DGKB: variants seen among roughly 807,000 people sequenced by gnomAD.
DGKB encodes the protein 90 kDa diacylglycerol kinase.
Under a neutral mutation model 114.3 loss-of-function variants are expected in DGKB, and 67 were observed. The observed-to-expected ratio is 0.59, with a 90% CI of 0.48 to 0.72. The LOEUF (loss-of-function observed/expected upper bound fraction) is 0.72. Ranked by LOEUF, DGKB falls within the 30% of genes least tolerant of loss-of-function variation. The pLI, the probability that DGKB is intolerant of heterozygous loss-of-function variation, is 0.00. For synonymous variants in DGKB, 398 were observed against 323.1 expected, an observed-to-expected ratio of 1.23 and a Z score of -2.49; for missense variants, 907 against 975.2, an observed-to-expected ratio of 0.93 and a Z score of 0.93.
At chr7:14,439,147 A>C (rs1829705552) in intron 21 of DGKB, among the ~76,000 whole-genome samples, 1 of 152,156 alleles carries the variant, frequency 6.6e-6, no homozygotes, top group African/African-American at 2.4e-5. Context: ...AGTTACTTTC[A>C]TTACACGTAC....
At chr7:14,421,362 T>G (rs921015740) in intron 21 of DGKB, among the ~76,000 whole-genome samples, 1 of 152,120 alleles carries the variant, frequency 6.6e-6, no homozygotes, top group African/African-American at 2.4e-5. Context: ...TAGTAACACT[T>G]TACAAACATA....
At chr7:14,585,779 T>A (rs1020480726) in intron 17 of DGKB, among the ~76,000 whole-genome samples, 3 of 152,186 alleles carry the variant, frequency 2.0e-5, no homozygotes, top group South Asian at 4.1e-4. Flanking sequence ...TTTGTAATTA[T>A]CGCAATATTT....
chr7:14,462,381 T>G (rs1027688140), intron 21 of DGKB, among the ~76,000 whole-genome samples: 5 of 152,144 alleles, frequency 3.3e-5, no homozygotes, highest in Non-Finnish European at 1.5e-5. Context: ...CCAAATCTCC[T>G]TAAGCTGATA....
chr7:14,267,468 A>ATTTTTTTTTTTTTTTTT (rs34348388), intron 23 of DGKB, among the ~76,000 whole-genome samples: 1 of 110,232 alleles, frequency 9.1e-6, no homozygotes, highest in Non-Finnish European at 1.8e-5. Context: ...ATAAGTGCTT[A>ATTTTTTTTTTTTTTTTT]TTTTTTTTTT....
intron 23 of DGKB, among the ~76,000 whole-genome samples, chr7:14,180,167 T>C (rs1172373202): frequency 1.3e-5 from 2 of 148,242 alleles, no homozygotes; most frequent in Non-Finnish European, 3.0e-5. Context: ...TCGCATTTAG[T>C]ATTGTAGATT....
intron 2 of DGKB, among the ~76,000 whole-genome samples, chr7:14,830,454 G>C (rs1011368420): frequency 6.6e-6 from 1 of 152,010 alleles, no homozygotes; most frequent in Non-Finnish European, 1.5e-5. Flanking sequence ...ATATTTAGCA[G>C]AACTTTGTAA....
chr7:14,434,991 T>C (rs1484910378), intron 21 of DGKB, among the ~76,000 whole-genome samples: 2 of 152,146 alleles, frequency 1.3e-5, no homozygotes, highest in African/African-American at 2.4e-5. Context: ...TTCCTTTCAA[T>C]TGCATCCATA....
At chr7:14,445,282 T>C (rs1830579381) in intron 21 of DGKB, among the ~76,000 whole-genome samples, 1 of 151,842 alleles carries the variant, frequency 6.6e-6, no homozygotes, top group Non-Finnish European at 1.5e-5. Context: ...TTGATTTCCC[T>C]TTTCCCACTA....
chr7:14,275,747 C>G (rs1798897216), intron 23 of DGKB, among the ~76,000 whole-genome samples: 1 of 152,082 alleles, frequency 6.6e-6, no homozygotes, highest in East Asian at 1.9e-4. Context: ...AGTGATGTCC[C>G]ACCAGTAACA....
chr7:14,159,990 A>G (rs1438904572), intron 25 of DGKB, among the ~76,000 whole-genome samples: 1 of 152,090 alleles, frequency 6.6e-6, no homozygotes, highest in Non-Finnish European at 1.5e-5. Context: ...GATATTCTTG[A>G]CTTGGCTTGG....
chr7:14,535,989 G>T (rs182684359), intron 20 of DGKB, among the ~76,000 whole-genome samples: 1 of 151,850 alleles, frequency 6.6e-6, no homozygotes, highest in African/African-American at 2.4e-5. Context: ...TACAACCAAC[G>T]CCACAGAAAT....
chr7:14,915,421 T>C (rs1265736707), intron 1 of DGKB, among the ~76,000 whole-genome samples: 1 of 152,098 alleles, frequency 6.6e-6, no homozygotes, highest in Non-Finnish European at 1.5e-5. Context: ...AATTTGTTGA[T>C]GTTATAACAG....
At chr7:14,287,860 C>T (rs1013840595) in intron 23 of DGKB, among the ~76,000 whole-genome samples, 2 of 152,082 alleles carry the variant, frequency 1.3e-5, no homozygotes, top group Non-Finnish European at 2.9e-5. Context: ...GGACAGCCTG[C>T]CCTCACAGAA....
chr7:14,286,933 T>C (rs1335401224), intron 23 of DGKB, among the ~76,000 whole-genome samples: 1 of 152,150 alleles, frequency 6.6e-6, no homozygotes, highest in Admixed American at 6.6e-5. Flanking sequence ...CCACTTACAT[T>C]ACCTTTCCTA....
In DGKB at chr7:14,629,114, AC is replaced by A. The variant is rs200067125; in HGVS notation, c.1167+1121del. ...GATTGGGCTGGTAATCGGGGCAGAAACAAACTCAAGAACCTGAGGATGCAAA... is the reference window on the plus strand; with the variant it reads ...GATTGGGCTGGTAATCGGGGCAGAAAAAACTCAAGAACCTGAGGATGCAAA... On this transcript the variant is annotated intron_variant, in intron 14 of 25. Transcript: ENST00000402815. 5.8e-3 allele frequency among the ~76,000 whole-genome samples: 889 copies of A among 152,158 alleles called. 7 individuals are homozygous for A. Among genetic ancestry groups the A allele is most frequent in the African/African-American group, 0.02 (848 of 41,546 alleles).
chr7:14,307,449 ACAG>A (rs1199652938), intron 23 of DGKB, among the ~76,000 whole-genome samples: 2 of 152,192 alleles, frequency 1.3e-5, no homozygotes, highest in Non-Finnish European at 2.9e-5. Flanking sequence ...GCGTTAAATA[ACAG>A]TAAAGGTTAA....
chr7:14,724,728 A>G (rs896862328), intron 5 of DGKB, among the ~76,000 whole-genome samples: 1 of 152,240 alleles, frequency 6.6e-6, no homozygotes, highest in Non-Finnish European at 1.5e-5. Flanking sequence ...AAGATGAGAA[A>G]GTGGAAAGTC....
upstream of DGKB, among the ~76,000 whole-genome samples, chr7:14,906,447 C>CTTTTTTTTTTTTT (rs34250901): frequency 5.8e-5 from 6 of 103,866 alleles, no homozygotes; most frequent in Non-Finnish European, 1.2e-4. Context: ...TTTTTTCTGT[C>CTTTTTTTTTTTTT]TTTTTTTTTT....
At chr7:14,709,577 C>T (rs1193717514) in intron 6 of DGKB, among the ~76,000 whole-genome samples, 1 of 135,548 alleles carries the variant, frequency 7.4e-6, no homozygotes, top group African/African-American at 2.7e-5. Context: ...AAATGTCCAA[C>T]AATGATAGAC....
Sources: allele counts gnomAD v4.1 joint callset (sites outside exome capture counted in the v4.1 genomes callset), GRCh38; gene constraint gnomAD v4.1.1; transcripts MANE v1.5; gene names NCBI Gene and HGNC (gene_info 2026-07-23, HGNC 2026-07-21).